The following DCAF16 variants were observed in gnomAD, a reference collection of about 807,000 sequenced individuals.
DCAF16 encodes the protein DDB1- and CUL4-associated factor 16.
A neutral mutation model predicts 17.3 loss-of-function variants in DCAF16; 10 were observed. That is an observed-to-expected ratio of 0.58 (90% CI 0.36 to 0.98). The LOEUF is 0.98. DCAF16 is among the 50% of genes least tolerant of loss of function. DCAF16 has a pLI of 0.01. For missense variants in DCAF16, 249 were observed against 247.6 expected, an observed-to-expected ratio of 1.01 and a Z score of -0.04; for synonymous variants, 111 against 92.8, an observed-to-expected ratio of 1.20 and a Z score of -1.12.
chr4:17,804,176 A>G lies in DCAF16; in HGVS notation c.-35T>C. The G allele has an allele frequency of 1.3e-6, 2 of 1,565,508 alleles. No individual in the cohort carries two copies. Among genetic ancestry groups the G allele is most frequent in the Non-Finnish European group, 1.7e-6 (2 of 1,151,032 alleles). ...ACACAGTAAGGAACCAGAAAAAGGTAATAATCTAAGCCAGCAGAACACTGA... is the reference window on the plus strand; with the variant it reads ...ACACAGTAAGGAACCAGAAAAAGGTGATAATCTAAGCCAGCAGAACACTGA... On this transcript the variant is annotated 5_prime_UTR_variant, in exon 3 of 3. Coordinates refer to ENST00000382247, the MANE Select transcript of DCAF16 (RefSeq NM_017741.4).
Position 17,803,668 on chromosome 4 carries a change from T to C in DCAF16, c.474A>G (p.Arg158=), listed in dbSNP as rs766075016. The C allele has an allele frequency of 3.1e-6, 5 of 1,614,240 alleles. No homozygotes were observed. Among genetic ancestry groups the C allele is most frequent in the South Asian group, 2.2e-5 (2 of 91,086 alleles). ...ATKQLSRTLS[R]ATPIPEYLKQ... is the part of the protein sequence containing the mutation. ...TTAGGTATTCAGGTATGGGAGTGGC[T>C]CTACTCAATGTTCGGCTTAGCTGTT... Residue 158 remains arginine, a synonymous_variant, in exon 3 of 3, where the codon AGA becomes AGG. Coordinates refer to ENST00000382247, the MANE Select transcript of DCAF16 (RefSeq NM_017741.4).
In DCAF16 at chr4:17,804,170, A is replaced by G. The variant is rs1720084236; in HGVS notation, c.-29T>C. 2 of 1,579,854 alleles carry G rather than the reference A, an allele frequency of 1.3e-6. No homozygotes were observed. The highest frequency in any genetic ancestry group is 1.4e-5 in the African/African-American group (1 of 72,980). On this transcript the variant is annotated 5_prime_UTR_variant, in exon 3 of 3. Transcript: ENST00000382247. ...AATAAAACACAGTAAGGAACCAGAA[A>G]AAGGTAATAATCTAAGCCAGCAGAA... is the stretch of plus-strand genomic sequence containing the variant.
chr4:17,799,727 T>C (rs1334270527), downstream of DCAF16, among the ~76,000 whole-genome samples: 2 of 152,212 alleles, frequency 1.3e-5, no homozygotes, highest in African/African-American at 4.8e-5. Flanking sequence ...TTCTATCCCC[T>C]AGAGGGGACC....
downstream of DCAF16, among the ~76,000 whole-genome samples, chr4:17,797,359 C>T (rs369582577): frequency 2.6e-5 from 4 of 152,070 alleles, no homozygotes; most frequent in Non-Finnish European, 4.4e-5. Context: ...CAAATGTATT[C>T]GGGTGTCCTG....
rs1001118601 is a variant in DCAF16, at chr4:17,803,911, A to G, written c.231T>C (p.His77=). Residue 77 remains histidine (H), a synonymous_variant, in exon 3 of 3, where the codon CAT becomes CAC. Transcript: ENST00000382247. The part of the protein sequence containing the change: ...KPLNPNSWLY[H]AKLLDPSTPV... Reference sequence around the variant, plus strand: ...GTGTGCTTGGATCCAACAGTTTAGCATGATACAACCAGGAATTAGGATTTA... The same window carrying G: ...GTGTGCTTGGATCCAACAGTTTAGCGTGATACAACCAGGAATTAGGATTTA... 25 of 1,614,044 alleles carry G rather than the reference A, an allele frequency of 1.5e-5. No homozygotes were observed. Among genetic ancestry groups the G allele is most frequent in the Non-Finnish European group, 2.0e-5 (24 of 1,180,028 alleles).
At chr4:17,807,964 T>A (rs1720482005) in intron 1 of DCAF16, among the ~76,000 whole-genome samples, 1 of 152,142 alleles carries the variant, frequency 6.6e-6, no homozygotes, top group Non-Finnish European at 1.5e-5. Context: ...CATATATGAG[T>A]GGCTCAGTAA....
intron 1 of DCAF16, among the ~76,000 whole-genome samples, chr4:17,807,463 G>A (rs1195781177): frequency 6.6e-6 from 1 of 152,206 alleles, no homozygotes; most frequent in Non-Finnish European, 1.5e-5. Context: ...TTTGGAACTG[G>A]CACTGCTGGT....
At chr4:17,797,813 CTTAA>C (rs1438449108), downstream of DCAF16, among the ~76,000 whole-genome samples, 3 of 152,050 alleles carry the variant, frequency 2.0e-5, no homozygotes, top group Admixed American at 6.6e-5. Flanking sequence ...TGGTCCATTG[CTTAA>C]TTAATTTATT....
chr4:17,804,395 G>T lies in DCAF16; in HGVS notation c.-254C>A. 2.0e-6 allele frequency: 1 copy of T among 493,708 alleles called. No homozygotes were observed. Among genetic ancestry groups the T allele is most frequent in the Non-Finnish European group, 3.8e-6 (1 of 266,366 alleles). The allele number at this position is 493,708 out of a possible 1,614,324, so 30.6% of individuals were successfully genotyped here. On this transcript the variant is annotated 5_prime_UTR_variant, in exon 3 of 3. Transcript: ENST00000382247. ...ACCAGTTCAGTGTGTAAAAGTATTAGTCACTTACCACTGGCACAGGTCAGA... is the reference window on the plus strand; with the variant it reads ...ACCAGTTCAGTGTGTAAAAGTATTATTCACTTACCACTGGCACAGGTCAGA...
At chr4:17,800,271 ATC>A (rs1364818712), downstream of DCAF16, among the ~76,000 whole-genome samples, 1 of 152,170 alleles carries the variant, frequency 6.6e-6, no homozygotes, top group Non-Finnish European at 1.5e-5. Flanking sequence ...GGATAAAATA[ATC>A]TTTTTATCTT....
intron 1 of DCAF16, among the ~76,000 whole-genome samples, chr4:17,808,109 AT>A (rs1228212894): frequency 6.6e-6 from 1 of 152,228 alleles, no homozygotes; most frequent in East Asian, 1.9e-4. Context: ...AAATGAGATA[AT>A]TTTTTTAAGG....
chr4:17,810,578 G>T lies in DCAF16; in HGVS notation c.-881C>A, dbSNP rs913267094. 1 of 152,400 alleles carries T rather than the reference G, an allele frequency of 6.6e-6. No individual in the cohort carries two copies. The highest frequency in any genetic ancestry group is 1.5e-5 in the Non-Finnish European group (1 of 68,174). The allele number at this position is 152,400 out of a possible 1,614,324, so 9.4% of individuals were successfully genotyped here. On this transcript the variant is annotated 5_prime_UTR_variant, in exon 1 of 3. Transcript: ENST00000382247. ...CGGAGCCCTCGTGTGGGGATCCCCC[G>T]CCCTTCGGCCACAAGGGAGGTTGTT...
chr4:17,798,346 T>C, downstream of DCAF16, among the ~76,000 whole-genome samples: 1 of 146,914 alleles, frequency 6.8e-6, no homozygotes, highest in East Asian at 2.0e-4. Flanking sequence ...CAGGTACCAG[T>C]GTAACACCAG....
At chr4:17,793,800 C>T in the DCAF16 span, among the ~76,000 whole-genome samples, 3 of 152,086 alleles carry the variant, frequency 2.0e-5, no homozygotes, top group African/African-American at 7.2e-5. Flanking sequence ...GTAAAAAAAT[C>T]AAGTACACTT....
chr4:17,796,571 G>A (rs1264001134), downstream of DCAF16, among the ~76,000 whole-genome samples: 1 of 152,094 alleles, frequency 6.6e-6, no homozygotes, highest in Non-Finnish European at 1.5e-5. Context: ...GCTGGGCATG[G>A]TGGTGCGCAC....
intron 1 of DCAF16, among the ~76,000 whole-genome samples, chr4:17,805,829 G>C (rs1325930441): frequency 6.6e-6 from 1 of 152,182 alleles, no homozygotes; most frequent in Non-Finnish European, 1.5e-5. Context: ...GCCAGGCGTG[G>C]TGGTGTGTGC....
Position 17,802,311 on chromosome 4 carries a change from G to C in DCAF16, c.*1180C>G, listed in dbSNP as rs1719866439. ...CTCTTGACAAAAGTCTGAGTACCAAGATTCAGGAAACACATTCCCTACAGA... is the reference window on the plus strand; with the variant it reads ...CTCTTGACAAAAGTCTGAGTACCAACATTCAGGAAACACATTCCCTACAGA... On this transcript the variant is annotated 3_prime_UTR_variant, in exon 3 of 3. Transcript: ENST00000382247. 1 of 152,508 alleles carries C rather than the reference G, an allele frequency of 6.6e-6. No homozygotes were observed. Among genetic ancestry groups the C allele is most frequent in the South Asian group, 2.1e-4 (1 of 4,820 alleles). The allele number at this position is 152,508 out of a possible 1,614,324, so 9.4% of individuals were successfully genotyped here.
At chr4:17,795,577 T>C in the DCAF16 span, among the ~76,000 whole-genome samples, 2 of 152,228 alleles carry the variant, frequency 1.3e-5, no homozygotes, top group East Asian at 3.8e-4. Context: ...CTTTTTAAAA[T>C]TTCTTCAAGT....
chr4:17,808,618 A>C (rs1263941820), intron 1 of DCAF16, among the ~76,000 whole-genome samples: 2 of 152,212 alleles, frequency 1.3e-5, no homozygotes, highest in South Asian at 4.1e-4. Context: ...ACAAAACAAA[A>C]AAAAAAACTA....
Sources: allele counts gnomAD v4.1 joint callset (sites outside exome capture counted in the v4.1 genomes callset), GRCh38; gene constraint gnomAD v4.1.1; transcripts MANE v1.5; gene names NCBI Gene and HGNC (gene_info 2026-07-23, HGNC 2026-07-21).